Variants in CCDC15 observed in about 807,000 individuals in gnomAD.
The protein encoded by CCDC15 is coiled-coil domain containing 15, also known as coiled-coil domain-containing protein 15.
In CCDC15, 105 loss-of-function variants were observed where a neutral mutation model predicts 114.5. The observed-to-expected ratio is 0.92, with a 90% CI of 0.78 to 1.08. CCDC15 has a LOEUF of 1.08. Ranked by LOEUF, CCDC15 falls within the 50% of genes least tolerant of loss-of-function variation. The pLI is 0.00. For synonymous variants in CCDC15, 334 were observed against 377.8 expected (o/e 0.88, Z 1.34); for missense variants, 1,105 against 1,093.6 (o/e 1.01, Z -0.15).
rs878887902 is a variant in CCDC15 at position 124,986,700 on chromosome 11, T to TGTGTGTGTGCGCGCGCGC, written c.754-41_754-40insTGTGTGTGCGCGCGCGCG. 7.4e-6 allele frequency: 10 copies of TGTGTGTGTGCGCGCGCGC among 1,352,946 alleles called. No individual in the cohort carries two copies. In the African/African-American group the frequency reaches 1.1e-4, roughly 15 times the overall value. 83.8% of individuals were successfully genotyped at this position (1,352,946 alleles called of 1,614,324 possible). ...GTGTGTGTGTGTGTGTTTGTGTGTG[T>TGTGTGTGTGCGCGCGCGC]GCGCGCGCGCGCGTGCGCGTTTTCA... On this transcript the variant is annotated intron_variant, in intron 6 of 15. Coordinates refer to ENST00000344762, the MANE Select transcript of CCDC15 (RefSeq NM_025004.3).
At chr11:125,027,295 G>A (rs571465148) in intron 13 of CCDC15, among the ~76,000 whole-genome samples, 27 of 152,242 alleles carry the variant, frequency 1.8e-4, no homozygotes, top group African/African-American at 6.0e-4. Flanking sequence ...TCTACTTTTA[G>A]TTCTTTAAGG....
chr11:124,969,446 A>G (rs978097727), intron 4 of CCDC15, among the ~76,000 whole-genome samples: 1 of 152,116 alleles, frequency 6.6e-6, no homozygotes, highest in African/African-American at 2.4e-5. Context: ...AGAACAACTG[A>G]TCATTGTTTT....
intron 13 of CCDC15, among the ~76,000 whole-genome samples, chr11:125,026,441 T>C (rs1403260379): frequency 1.3e-5 from 2 of 152,238 alleles, no homozygotes; most frequent in African/African-American, 4.8e-5. Flanking sequence ...AAAGGGGTAG[T>C]GTAGGCAATT....
Position 124,987,840 on chromosome 11 carries a change from C to T in CCDC15, c.1614C>T (p.Asp538=). 1 of 1,603,708 alleles carries T rather than the reference C, an allele frequency of 6.2e-7. No homozygotes were observed. The highest frequency in any genetic ancestry group is 1.1e-5 in the South Asian group (1 of 90,256). The part of the protein sequence containing the change: ...QGQDFLPKDQ[D]FLSRDQHVLP... The stretch of plus-strand genomic sequence containing the variant: ...AGGATTTTCTACCTAAAGACCAGGA[C>T]TTTTTATCTAGAGACCAGCATGTTC... Residue 538 remains aspartate (D), a synonymous_variant, in exon 8 of 16, where the codon GAC becomes GAT. Coordinates refer to ENST00000344762, the MANE Select transcript of CCDC15 (RefSeq NM_025004.3).
At chr11:124,971,073 C>T (rs1387178227) in intron 4 of CCDC15, among the ~76,000 whole-genome samples, 4 of 152,126 alleles carry the variant, frequency 2.6e-5, no homozygotes, top group Non-Finnish European at 5.9e-5. Flanking sequence ...CCTAAGGCCG[C>T]CCCTTTAATA....
intron 9 of CCDC15, 33 bp from the exon 10 acceptor site, chr11:124,992,544 CTGT>C: frequency 8.6e-6 from 11 of 1,277,294 alleles, no homozygotes; most frequent in South Asian, 3.9e-5. Flanking sequence ...AATTTTTTTT[CTGT>C]TGTTGTTTTT....
chr11:125,019,870 A>C (rs1190185007), intron 13 of CCDC15, among the ~76,000 whole-genome samples: 1 of 151,940 alleles, frequency 6.6e-6, no homozygotes, highest in Non-Finnish European at 1.5e-5. Flanking sequence ...ATATTTGTAC[A>C]TATTAGTGGG....
At chr11:124,954,505 G>T in intron 1 of CCDC15, 135 bp downstream of exon 1, 1 of 381,718 alleles carries the variant, frequency 2.6e-6, no homozygotes. Context: ...ATTTCTTCTA[G>T]AAGGCAACTT....
intron 8 of CCDC15, among the ~76,000 whole-genome samples, chr11:124,989,315 T>C (rs1948230699): frequency 6.6e-6 from 1 of 152,176 alleles, no homozygotes; most frequent in South Asian, 2.1e-4. Context: ...CAACAGTAAG[T>C]GTAAAATATT....
intron 8 of CCDC15, among the ~76,000 whole-genome samples, chr11:124,990,890 A>G (rs1406531425): frequency 6.6e-6 from 1 of 152,214 alleles, no homozygotes; most frequent in East Asian, 1.9e-4. Flanking sequence ...GAGTTAGACT[A>G]AAAGGAAGAA....
At chr11:125,003,237 T>G (rs1460850032) in intron 11 of CCDC15, among the ~76,000 whole-genome samples, 1 of 151,818 alleles carries the variant, frequency 6.6e-6, no homozygotes, top group Admixed American at 6.6e-5. Flanking sequence ...ATATTGATCA[T>G]GTATCCTGCA....
At chr11:125,015,522 T>C (rs1213208207) in intron 13 of CCDC15, among the ~76,000 whole-genome samples, 1 of 152,076 alleles carries the variant, frequency 6.6e-6, no homozygotes, top group African/African-American at 2.4e-5. Context: ...ACAACTAAAA[T>C]GGACACAAGA....
At chr11:125,033,330 C>G (rs973873675) in intron 13 of CCDC15, among the ~76,000 whole-genome samples, 1 of 152,194 alleles carries the variant, frequency 6.6e-6, no homozygotes, top group African/African-American at 2.4e-5. Flanking sequence ...TGCTTTGCCT[C>G]TGCTGTCCAT....
At chr11:124,985,234 G>A (rs1270974689) in intron 6 of CCDC15, among the ~76,000 whole-genome samples, 1 of 151,966 alleles carries the variant, frequency 6.6e-6, no homozygotes, top group Admixed American at 6.6e-5. Flanking sequence ...ACCACATTTG[G>A]TTTATCCATT....
chr11:124,995,005 G>A (rs1194229914), intron 11 of CCDC15, among the ~76,000 whole-genome samples: 3 of 152,158 alleles, frequency 2.0e-5, no homozygotes, highest in Non-Finnish European at 4.4e-5. Context: ...TTTGGGCTGC[G>A]GTTTTCAGGA....
chr11:124,965,426 C>T (rs187729811), intron 4 of CCDC15, among the ~76,000 whole-genome samples: 10 of 152,100 alleles, frequency 6.6e-5, no homozygotes, highest in East Asian at 1.9e-4. Flanking sequence ...AGTTTATTTA[C>T]GTAGAGGTGT....
chr11:124,994,608 C>T lies in CCDC15; in HGVS notation c.2214+1365C>T, dbSNP rs542435848. 2.0e-5 allele frequency among the ~76,000 whole-genome samples: 3 copies of T among 152,164 alleles called. No individual in the cohort carries two copies. In the East Asian group the frequency reaches 5.8e-4, roughly 29 times the overall value. ...CAGGGGTTATGAGGATCTTCCACCC[C>T]ATGGCCAGTACTAGATCTCCATCAG... On this transcript the variant is annotated intron_variant, in intron 11 of 15. Transcript: ENST00000344762.
intron 2 of CCDC15, among the ~76,000 whole-genome samples, chr11:124,955,715 A>G (rs1947536616): frequency 6.6e-6 from 1 of 152,232 alleles, no homozygotes; most frequent in Non-Finnish European, 1.5e-5. Flanking sequence ...CCCTCAGTGT[A>G]CTTGATCTCA....
chr11:124,959,225 G>T lies in CCDC15; in HGVS notation c.288G>T (p.Arg96Ser), dbSNP rs1347737079. 1 of 1,581,848 alleles carries T rather than the reference G, an allele frequency of 6.3e-7. No homozygotes were observed. The highest frequency in any genetic ancestry group is 8.6e-7 in the Non-Finnish European group (1 of 1,169,088). Residue 96 changes from arginine to serine, a missense_variant, in exon 3 of 16, where the codon AGG becomes AGT. Transcript: ENST00000344762. ...AATACCGAGTAAATCAACAAATTAG[G>T]TTGAGAAAAAAGCAACAGCTTCAGA... Reference protein sequence around the residue: ...QVKYRVNQQIRLRKKQQLQKS... With the variant: ...QVKYRVNQQISLRKKQQLQKS...
Sources: gnomAD v4.1 joint callset for allele counts (sites outside exome capture counted in the v4.1 genomes callset) on GRCh38, gnomAD v4.1.1 for gene constraint, MANE v1.5 for transcripts, NCBI Gene and HGNC (gene_info 2026-07-23, HGNC 2026-07-21) for gene names.